The following EXT1 variants were observed in gnomAD, a reference collection of about 807,000 sequenced individuals.
EXT1 encodes the protein exostosin glycosyltransferase 1, also known as exostosin-1.
EXT1 carries 20 observed loss-of-function variants against 82.5 expected under a neutral mutation model. The observed-to-expected ratio is 0.24, with a 90% CI of 0.17 to 0.35. EXT1 has a LOEUF of 0.35. Ranked by LOEUF, EXT1 falls within the 10% of genes least tolerant of loss-of-function variation. EXT1 has a pLI of 1.00. For synonymous variants in EXT1, 348 were observed against 350.8 expected (o/e 0.99, Z 0.09); for missense variants, 757 against 936.5 (o/e 0.81, Z 2.50).
intron 10 of EXT1, among the ~76,000 whole-genome samples, chr8:117,803,591 T>C (rs924688620): frequency 6.6e-6 from 1 of 152,072 alleles, no homozygotes; most frequent in Non-Finnish European, 1.5e-5. Context: ...GATACCAAGA[T>C]GGTGGGGTGT....
chr8:117,914,241 C>G (rs1235324992), intron 1 of EXT1, among the ~76,000 whole-genome samples: 1 of 152,130 alleles, frequency 6.6e-6, no homozygotes, highest in Non-Finnish European at 1.5e-5. Flanking sequence ...TATCAGTTCC[C>G]AAATAATACT....
chr8:117,840,633 GAA>G (rs1812260476), intron 1 of EXT1, among the ~76,000 whole-genome samples: 1 of 148,584 alleles, frequency 6.7e-6, no homozygotes. Context: ...AAAAAAAAAA[GAA>G]AGAGAGAACG....
Position 118,111,640 on chromosome 8 carries a change from G to C in EXT1, c.-594C>G. ...TCTGCAGCGGCTCCAAGACTCCGGC[G>C]GTGTTTACTCCTGCGCTCGCGGGGC... On this transcript the variant is annotated 5_prime_UTR_variant, in exon 1 of 11. Transcript: ENST00000378204. The C allele has an allele frequency of 2.5e-6, 1 of 393,766 alleles. No homozygotes were observed. Among genetic ancestry groups the C allele is most frequent in the Non-Finnish European group, 4.5e-6 (1 of 223,360 alleles). 24.4% of individuals were successfully genotyped at this position (393,766 alleles called of 1,614,324 possible).
chr8:118,018,117 G>A (rs1422185349), intron 1 of EXT1, among the ~76,000 whole-genome samples: 1 of 152,176 alleles, frequency 6.6e-6, no homozygotes, highest in African/African-American at 2.4e-5. Context: ...TATGTTACTA[G>A]TTGAGCTGTG....
chr8:117,907,685 T>C lies in EXT1; in HGVS notation c.963-70484A>G, dbSNP rs769072192. Among the ~76,000 whole-genome samples, 2 of 152,204 alleles carry C rather than the reference T, an allele frequency of 1.3e-5. 1 individual carries two copies. Among genetic ancestry groups the C allele is most frequent in the Non-Finnish European group, 2.9e-5 (2 of 68,032 alleles). On this transcript the variant is annotated intron_variant, in intron 1 of 10. Coordinates refer to ENST00000378204, the MANE Select transcript of EXT1 (RefSeq NM_000127.3). ...CCATATTATATATGAATTCATAAATTATGCTGTGAGATTTACTCTCATACC... is the reference window on the plus strand; with the variant it reads ...CCATATTATATATGAATTCATAAATCATGCTGTGAGATTTACTCTCATACC...
chr8:118,108,124 TC>T (rs1196642456), intron 1 of EXT1, among the ~76,000 whole-genome samples: 1 of 152,170 alleles, frequency 6.6e-6, no homozygotes, highest in Non-Finnish European at 1.5e-5. Flanking sequence ...AACCAACCCC[TC>T]CCTTCATTGC....
At chr8:117,852,124 A>G (rs1587010983) in intron 1 of EXT1, among the ~76,000 whole-genome samples, 1 of 152,366 alleles carries the variant, frequency 6.6e-6, no homozygotes, top group East Asian at 1.9e-4. Flanking sequence ...ATTGAGGATT[A>G]CACCTAATTT....
At chr8:117,953,365 AGATTATAG>A (rs1814526181) in intron 1 of EXT1, among the ~76,000 whole-genome samples, 1 of 152,110 alleles carries the variant, frequency 6.6e-6, no homozygotes, top group Non-Finnish European at 1.5e-5. Flanking sequence ...CTGGGACCCC[AGATTATAG>A]GAGAAATGAT....
chr8:117,967,177 AAAG>A (rs1262528050), intron 1 of EXT1, among the ~76,000 whole-genome samples: 9 of 152,212 alleles, frequency 5.9e-5, no homozygotes, highest in Non-Finnish European at 1.2e-4. Flanking sequence ...AAAATCATGA[AAAG>A]AAGAATTATG....
intron 1 of EXT1, among the ~76,000 whole-genome samples, chr8:118,013,892 T>C (rs1314649415): frequency 1.1e-4 from 16 of 152,210 alleles, no homozygotes; most frequent in Non-Finnish European, 1.5e-5. Context: ...CATGTAAAGA[T>C]CTTAAATCTA....
At chr8:118,095,635 T>C (rs903516511) in intron 1 of EXT1, among the ~76,000 whole-genome samples, 12 of 152,258 alleles carry the variant, frequency 7.9e-5, no homozygotes, top group Admixed American at 3.9e-4. Context: ...AGATTCCCTC[T>C]GATTGAATTT....
chr8:117,963,257 C>A (rs1377117150), intron 1 of EXT1, among the ~76,000 whole-genome samples: 2 of 152,150 alleles, frequency 1.3e-5, no homozygotes, highest in African/African-American at 4.8e-5. Flanking sequence ...GTTTTCCCGA[C>A]CAGCTTGCTG....
chr8:117,797,453 C>T lies in EXT1; in HGVS notation c.*2259G>A, dbSNP rs1433595882. ...AATCTGGCAAAGCAGGTCCTTGAAT[C>T]CACTTGTGTGACTGACTGGTACAAT... On this transcript the variant is annotated 3_prime_UTR_variant, in exon 11 of 11. Coordinates refer to ENST00000378204, the MANE Select transcript of EXT1 (RefSeq NM_000127.3). The T allele has an allele frequency of 6.6e-6, 1 of 152,188 alleles. No individual in the cohort carries two copies. Among genetic ancestry groups the T allele is most frequent in the Non-Finnish European group, 1.5e-5 (1 of 68,038 alleles). The allele number at this position is 152,188 out of a possible 1,614,324, so 9.4% of individuals were successfully genotyped here. A position where few individuals can be genotyped will look rare whatever the true frequency, so the allele number is the denominator to read the frequency against.
chr8:117,923,023 T>TTTAACAAGTCA (rs1265556484), intron 1 of EXT1, among the ~76,000 whole-genome samples: 2 of 151,858 alleles, frequency 1.3e-5, no homozygotes, highest in East Asian at 3.9e-4. Flanking sequence ...GCAAAAGTCA[T>TTTAACAAGTCA]TTAGCCCAAA....
chr8:118,017,989 G>A (rs1816031560), intron 1 of EXT1, among the ~76,000 whole-genome samples: 1 of 152,202 alleles, frequency 6.6e-6, no homozygotes. Context: ...CTGTCAAGAA[G>A]GGGATTATAG....
intron 1 of EXT1, among the ~76,000 whole-genome samples, chr8:118,003,256 A>C (rs1365715709): frequency 6.6e-6 from 1 of 152,126 alleles, no homozygotes; most frequent in African/African-American, 2.4e-5. Context: ...CAGAGGAAAG[A>C]GTGGGAGAGG....
At chr8:118,058,850 C>G (rs1198621537) in intron 1 of EXT1, among the ~76,000 whole-genome samples, 1 of 152,090 alleles carries the variant, frequency 6.6e-6, no homozygotes, top group Non-Finnish European at 1.5e-5. Flanking sequence ...GGCAGACAGG[C>G]AGGCAGACAA....
intron 1 of EXT1, among the ~76,000 whole-genome samples, chr8:118,088,936 A>C (rs2129995618): frequency 6.6e-6 from 1 of 152,310 alleles, no homozygotes; most frequent in South Asian, 2.1e-4. Flanking sequence ...ACACTTACTT[A>C]AGGGGTCACA....
chr8:117,966,325 T>C (rs1245277731), intron 1 of EXT1, among the ~76,000 whole-genome samples: 7 of 152,218 alleles, frequency 4.6e-5, no homozygotes, highest in Non-Finnish European at 8.8e-5. Context: ...TTCAGCCTGT[T>C]GACAGGATAA....
Sources: gnomAD v4.1 joint callset for allele counts (sites outside exome capture counted in the v4.1 genomes callset) on GRCh38, gnomAD v4.1.1 for gene constraint, MANE v1.5 for transcripts, NCBI Gene and HGNC (gene_info 2026-07-23, HGNC 2026-07-21) for gene names.